DOP1A: variants seen among roughly 807,000 people sequenced by gnomAD.
DOP1A encodes the protein protein DOP1A.
In DOP1A, 90 loss-of-function variants were observed where a neutral mutation model predicts 267.6. The observed-to-expected ratio is 0.34, with a 90% CI of 0.28 to 0.40. The LOEUF (loss-of-function observed/expected upper bound fraction) is 0.40, where lower values mean the gene tolerates loss of function less well. Among genes scored for constraint, DOP1A ranks in the 10% least tolerant of loss-of-function variants. DOP1A has a pLI of 1.00. For missense variants in DOP1A, 2,437 were observed against 2,900.4 expected (o/e 0.84, Z 3.67); for synonymous variants, 932 against 999.1 (o/e 0.93, Z 1.27).
At chr6:83,155,771 T>A (rs562758981) in intron 33 of DOP1A, among the ~76,000 whole-genome samples, 180 bp from the exon 34 acceptor site, 1 of 152,380 alleles carries the variant, frequency 6.6e-6, no homozygotes, top group Non-Finnish European at 1.5e-5. Flanking sequence ...ATTTTGGTCC[T>A]CTGGCTTATA....
Position 83,134,182 on chromosome 6 carries a change from C to A in DOP1A, c.2770-5C>A. The A allele has an allele frequency of 6.2e-7, 1 of 1,610,506 alleles. No homozygotes were observed. Among genetic ancestry groups the A allele is most frequent in the Non-Finnish European group, 8.5e-7 (1 of 1,178,262 alleles). On this transcript the variant is annotated splice_region_variant and splice_polypyrimidine_tract_variant and intron_variant, in intron 18 of 38. Transcript: ENST00000349129. ...CATAATTTAAGCTCCCATGTTTCTC[C>A]TCAGAAAATAAGGATGGAAGCACAT...
At position 83,130,161 on chromosome 6, in the gene DOP1A, CTG is replaced by C; in HGVS notation, c.2381_2382del (p.Leu794HisfsTer9). ...GCAGCCTCCACAGTGGCTCCAGACT[CTG>C]ATGAATGCTTGCAGCCAAGCAAGTG... is the stretch of plus-strand genomic sequence containing the variant. ...HVQPPQWLQTLMNACSQASDF... is the reference protein window; with the variant it reads ...HVQPPQWLQTXMNACSQASDF... On this transcript the variant is annotated frameshift_variant, in exon 17 of 39. Transcript: ENST00000349129. LOFTEE classifies it high-confidence loss of function. 2.5e-6 allele frequency: 4 copies of C among 1,614,072 alleles called. No homozygotes were observed. Among genetic ancestry groups the C allele is most frequent in the Non-Finnish European group, 3.4e-6 (4 of 1,179,964 alleles).
chr6:83,136,023 TGTGTG>T, intron 20 of DOP1A, 145 bp downstream of exon 20: 2 of 963,574 alleles, frequency 2.1e-6, no homozygotes, highest in Non-Finnish European at 3.0e-6. Context: ...CTAGCAATGC[TGTGTG>T]GACCATGTCA....
At chr6:83,107,079 ATATTT>A (rs1450803100) in intron 4 of DOP1A, among the ~76,000 whole-genome samples, 1 of 152,030 alleles carries the variant, frequency 6.6e-6, no homozygotes. Context: ...AAATATATAT[ATATTT>A]TAACAGTTGA....
chr6:83,165,665 G>C (rs1273531786), intron 38 of DOP1A: 5 of 204,692 alleles, frequency 2.4e-5, no homozygotes, highest in African/African-American at 1.2e-4. Flanking sequence ...AAACGTTGCT[G>C]AGATGCCTAA....
At position 83,132,035 on chromosome 6, in the gene DOP1A, G is replaced by A. The variant is rs1778132733; in HGVS notation, c.2617-141G>A. 4 of 926,142 alleles carry A rather than the reference G, an allele frequency of 4.3e-6. No homozygotes were observed. The Admixed American group carries it at 1.0e-4, about 23-fold the overall frequency. 57.4% of individuals were successfully genotyped at this position (926,142 alleles called of 1,614,324 possible). On this transcript the variant is annotated intron_variant, in intron 17 of 38. Transcript: ENST00000349129. ...GGTAGGTACATGGAAGACTGCCTTAGTAACCTCATCCCCATGCAGTAGAAT... is the reference window on the plus strand; with the variant it reads ...GGTAGGTACATGGAAGACTGCCTTAATAACCTCATCCCCATGCAGTAGAAT...
At chr6:83,152,182 T>C (rs1781811024) in intron 29 of DOP1A, 106 bp from the exon 30 acceptor site, 1 of 755,362 alleles carries the variant, frequency 1.3e-6, no homozygotes, top group Non-Finnish European at 2.0e-6. Flanking sequence ...TATATACATA[T>C]ACATATATAT....
intron 9 of DOP1A, among the ~76,000 whole-genome samples, chr6:83,120,256 A>G (rs572959121): frequency 1.8e-4 from 27 of 151,982 alleles, no homozygotes; most frequent in African/African-American, 6.3e-4. Context: ...ATAGAAGAAA[A>G]TACATGGTAT....
chr6:83,071,417 C>T (rs565862534), intron 1 of DOP1A, among the ~76,000 whole-genome samples: 3 of 152,024 alleles, frequency 2.0e-5, no homozygotes, highest in Admixed American at 6.6e-5. Flanking sequence ...ATGTTGGTCA[C>T]GCTGGTCTCA....
intron 4 of DOP1A, among the ~76,000 whole-genome samples, chr6:83,103,208 C>T (rs1772928083): frequency 6.6e-6 from 1 of 152,062 alleles, no homozygotes; most frequent in South Asian, 2.1e-4. Context: ...GAATTGGAGA[C>T]CATTATTCTA....
intron 24 of DOP1A, among the ~76,000 whole-genome samples, chr6:83,143,992 T>C (rs1274603925): frequency 6.6e-6 from 1 of 152,160 alleles, no homozygotes; most frequent in Non-Finnish European, 1.5e-5. Context: ...AGAATAAAGA[T>C]GAGATTTGTT....
chr6:83,169,048 A>G, downstream of DOP1A: 5 of 1,379,356 alleles, frequency 3.6e-6, no homozygotes, highest in Non-Finnish European at 4.7e-6. Flanking sequence ...TTTCTTTAAC[A>G]AGTGTAAGGC....
At chr6:83,139,913 C>G in intron 21 of DOP1A, 87 bp from the exon 22 acceptor site, 1 of 824,376 alleles carries the variant, frequency 1.2e-6, no homozygotes, top group South Asian at 1.7e-5. Flanking sequence ...CTTCTGTGTA[C>G]CTGACACATT....
chr6:83,081,438 A>T (rs1244922293), intron 1 of DOP1A, among the ~76,000 whole-genome samples: 1 of 152,206 alleles, frequency 6.6e-6, no homozygotes, highest in East Asian at 1.9e-4. Context: ...CAAAGGCAAC[A>T]GTAATACACA....
chr6:83,121,352 T>G (rs1447276600), intron 10 of DOP1A, among the ~76,000 whole-genome samples: 1 of 151,704 alleles, frequency 6.6e-6, no homozygotes, highest in East Asian at 1.9e-4. Context: ...CATGAAAAAT[T>G]TAAAATATAA....
intron 9 of DOP1A, among the ~76,000 whole-genome samples, chr6:83,120,432 A>G (rs1025366076): frequency 1.3e-5 from 2 of 151,874 alleles, no homozygotes; most frequent in African/African-American, 4.8e-5. Flanking sequence ...GCTCATGAAT[A>G]TATTTTTCTA....
chr6:83,136,010 G>T (rs1778814291), intron 20 of DOP1A, 132 bp downstream of exon 20: 7 of 1,055,192 alleles, frequency 6.6e-6, no homozygotes, highest in South Asian at 6.5e-5. Flanking sequence ...CCCTCCTCAT[G>T]CACTAGCAAT....
chr6:83,151,570 T>C lies in DOP1A; in HGVS notation c.5838-23T>C, dbSNP rs1025872388. On this transcript the variant is annotated intron_variant, in intron 27 of 38. Coordinates refer to ENST00000349129, the MANE Select transcript of DOP1A (RefSeq NM_015018.4). The stretch of plus-strand genomic sequence containing the variant: ...CTTTTAGCCTGATATTTCCCGTTTC[T>C]GTTTTCTCTTTGGCCCTTTTAGGGT... 3.2e-6 allele frequency: 5 copies of C among 1,575,246 alleles called. No individual in the cohort carries two copies. The Admixed American group carries it at 9.8e-5, about 31-fold the overall frequency.
At chr6:83,095,432 G>A (rs1246322038) in intron 1 of DOP1A, among the ~76,000 whole-genome samples, 1 of 152,046 alleles carries the variant, frequency 6.6e-6, no homozygotes, top group Non-Finnish European at 1.5e-5. Flanking sequence ...CTACTTGTTG[G>A]AAAGACTATT....
Sources: allele counts gnomAD v4.1 joint callset (sites outside exome capture counted in the v4.1 genomes callset), GRCh38; gene constraint gnomAD v4.1.1; transcripts MANE v1.5; gene names NCBI Gene and HGNC (gene_info 2026-07-23, HGNC 2026-07-21).